The following ACTN1 variants were observed in gnomAD, a reference collection of about 807,000 sequenced individuals.
The protein encoded by ACTN1 is actinin alpha 1.
A neutral mutation model predicts 119.6 loss-of-function variants in ACTN1; 30 were observed. That is an observed-to-expected ratio of 0.25 (90% CI 0.19 to 0.34). The LOEUF is 0.34. ACTN1 is among the 10% of genes least tolerant of loss of function. The pLI is 1.00. For synonymous variants in ACTN1, 429 were observed against 472.6 expected (o/e 0.91, Z 1.20); for missense variants, 764 against 1,223.4 (o/e 0.62, Z 5.60).
chr14:68,885,857 G>A lies in ACTN1; in HGVS notation c.1235-282C>T, dbSNP rs139312552. ...TCTGTGGGAATGCATAGGGCATGAC[G>A]CTATACACACAGCGGGAAACACAGC... On this transcript the variant is annotated intron_variant, in intron 11 of 21. Transcript: ENST00000394419. This position sits in a 1 kb window ranked among gnomAD's most constrained non-coding sequence, Gnocchi z 5.6. 1.7e-4 allele frequency: 61 copies of A among 355,630 alleles called. No individual in the cohort carries two copies. The East Asian group carries it at 2.5e-3, about 15-fold the overall frequency. The allele number at this position is 355,630 out of a possible 1,614,324, so 22.0% of individuals were successfully genotyped here.
In ACTN1 at chr14:68,874,968, G is replaced by C; in HGVS notation, c.2636C>G (p.Ala879Gly). Residue 879 changes from alanine to glycine, a missense_variant, in exon 22 of 22, where the codon GCT (alanine) becomes GGT (glycine). Physicochemically the swap from Ala to Gly is moderately conservative, Grantham distance 60. Around this residue, in one of 4 missense-constraint regions of ACTN1, gnomAD observed 102 missense variants for 78.2 expected, o/e 1.30. Transcript: ENST00000394419. ...GGCCATCCGCGCGATGCAGTACTCA[G>C]CCTGGTCGGGTGGCAGCTCGCGGCG... ...ELRRELPPDQ[A>G]EYCIARMAPY... The C allele has an allele frequency of 1.2e-6, 2 of 1,613,822 alleles. No homozygotes were observed. Among genetic ancestry groups the C allele is most frequent in the Non-Finnish European group, 1.7e-6 (2 of 1,179,994 alleles).
chr14:68,918,018 A>C (rs183682801), intron 3 of ACTN1, among the ~76,000 whole-genome samples: 4 of 152,338 alleles, frequency 2.6e-5, no homozygotes, highest in African/African-American at 9.6e-5. Flanking sequence ...GCAGTGAGCC[A>C]AGATCGTGCC....
At chr14:68,921,226 C>T in intron 2 of ACTN1, 101 bp from the exon 3 acceptor site, 1 of 1,469,712 alleles carries the variant, frequency 6.8e-7, no homozygotes, top group Non-Finnish European at 9.2e-7. Flanking sequence ...CTTAGCTAGG[C>T]AGAAGCATGT....
intron 21 of ACTN1, among the ~76,000 whole-genome samples, chr14:68,876,712 A>C (rs1482834448): frequency 2.0e-5 from 3 of 152,118 alleles, no homozygotes; most frequent in Non-Finnish European, 2.9e-5. Context: ...TGCTCCCATT[A>C]TAGTCCGTGC....
chr14:68,950,462 G>GTGTGTGTGTGTATA, intron 1 of ACTN1, among the ~76,000 whole-genome samples: 1 of 125,912 alleles, frequency 7.9e-6, no homozygotes, highest in African/African-American at 4.1e-5. Flanking sequence ...ATGCGTGTGT[G>GTGTGTGTGTGTATA]TATATATATA....
intron 3 of ACTN1, among the ~76,000 whole-genome samples, chr14:68,920,757 G>C (rs1027666964): frequency 1.3e-5 from 2 of 152,200 alleles, no homozygotes; most frequent in Non-Finnish European, 2.9e-5. Flanking sequence ...CACAGAGCAA[G>C]GACGTGGCTA....
chr14:68,889,343 C>T (rs144445874), intron 11 of ACTN1, among the ~76,000 whole-genome samples: 1 of 152,312 alleles, frequency 6.6e-6, no homozygotes, highest in East Asian at 1.9e-4. Context: ...AGATGAAAAC[C>T]ACAAGCATGC....
At chr14:68,910,260 C>T (rs1329327415) in intron 4 of ACTN1, among the ~76,000 whole-genome samples, 3 of 152,204 alleles carry the variant, frequency 2.0e-5, no homozygotes, top group Non-Finnish European at 2.9e-5. Context: ...AGTCGTGTTA[C>T]ACGTGTAAAT....
At chr14:68,927,406 C>T (rs2034986209) in intron 1 of ACTN1, among the ~76,000 whole-genome samples, 1 of 152,180 alleles carries the variant, frequency 6.6e-6, no homozygotes, top group Admixed American at 6.5e-5. Context: ...ATCCCAGAGA[C>T]CCAGGGCACA....
At position 68,878,901 on chromosome 14, in the gene ACTN1, C is replaced by A. The variant is rs1232709958; in HGVS notation, c.2361+88G>T. 2 of 1,603,090 alleles carry A rather than the reference C, an allele frequency of 1.2e-6. No individual in the cohort carries two copies. Among genetic ancestry groups the A allele is most frequent in the Non-Finnish European group, 1.7e-6 (2 of 1,178,722 alleles). On this transcript the variant is annotated intron_variant, in intron 19 of 21. Transcript: ENST00000394419. This position sits in a 1 kb window ranked among gnomAD's most constrained non-coding sequence, Gnocchi z 4.4. ...GGCCCACAGGAGGGGGACAGGAGAT[C>A]CAGACAGAGAGAAGAGAAAAAGGAA...
At chr14:68,937,240 A>G (rs1405540830) in intron 1 of ACTN1, among the ~76,000 whole-genome samples, 1 of 152,120 alleles carries the variant, frequency 6.6e-6, no homozygotes, top group Non-Finnish European at 1.5e-5. Context: ...TTTTCAAAAA[A>G]AAAAGAAAAA....
chr14:68,931,883 G>C (rs1394763394), intron 1 of ACTN1, among the ~76,000 whole-genome samples: 1 of 152,114 alleles, frequency 6.6e-6, no homozygotes, highest in East Asian at 1.9e-4. Flanking sequence ...GGCAGGGCTC[G>C]GCAAGGGCAC....
rs114188842 is a variant in ACTN1, at chr14:68,899,618, T to C, written c.762+2859A>G. On this transcript the variant is annotated intron_variant, in intron 8 of 21. Transcript: ENST00000394419. ...CACTCCTCAGAACCCCCCATACCCA[T>C]ACATACCACACACCCACTTCATACC... Among the ~76,000 whole-genome samples, 552 of 151,414 alleles carry C rather than the reference T, an allele frequency of 3.6e-3. 5 individuals are homozygous for C. Among genetic ancestry groups the C allele is most frequent in the African/African-American group, 0.013 (529 of 41,250 alleles).
chr14:68,967,967 G>A (rs958768836), intron 1 of ACTN1, among the ~76,000 whole-genome samples: 22 of 152,296 alleles, frequency 1.4e-4, no homozygotes, highest in Admixed American at 1.2e-3. Flanking sequence ...CCAAATTCAC[G>A]CACCTTTTCG....
chr14:68,956,381 A>G (rs1464093688), intron 1 of ACTN1, among the ~76,000 whole-genome samples: 1 of 152,226 alleles, frequency 6.6e-6, no homozygotes, highest in Non-Finnish European at 1.5e-5. Flanking sequence ...CTTTCCATTC[A>G]GACTGAAGCA....
chr14:68,953,408 G>A (rs1047947590), intron 1 of ACTN1, among the ~76,000 whole-genome samples: 3 of 152,130 alleles, frequency 2.0e-5, no homozygotes, highest in East Asian at 1.9e-4. Context: ...ACTAATCAGC[G>A]TGCCCAGCAC....
chr14:68,962,545 C>A (rs1435878122), intron 1 of ACTN1, among the ~76,000 whole-genome samples: 7 of 152,338 alleles, frequency 4.6e-5, no homozygotes, highest in African/African-American at 1.7e-4. Flanking sequence ...TCCCTCCACA[C>A]CCCAGCCCTG....
At chr14:68,889,627 T>C (rs186909552) in intron 11 of ACTN1, among the ~76,000 whole-genome samples, 2 of 152,124 alleles carry the variant, frequency 1.3e-5, no homozygotes, top group African/African-American at 2.4e-5. Context: ...AAACTAAAAA[T>C]ACAAAAATCA....
chr14:68,923,051 G>A (rs2034735102), intron 2 of ACTN1, among the ~76,000 whole-genome samples: 1 of 152,220 alleles, frequency 6.6e-6, no homozygotes, highest in African/African-American at 2.4e-5. Context: ...ATGCTTCACA[G>A]AAATGCACAG....
Sources: gnomAD v4.1 joint callset for allele counts (sites outside exome capture counted in the v4.1 genomes callset) on GRCh38, gnomAD v4.1.1 for gene constraint, gnomAD v4.1.1 regional missense constraint, Gnocchi (gnomAD v3.1) non-coding constraint, MANE v1.5 for transcripts, NCBI Gene and HGNC (gene_info 2026-07-23, HGNC 2026-07-21) for gene names.